The following BRINP3 variants were observed in gnomAD, a reference collection of about 807,000 sequenced individuals.
BRINP3 encodes BMP/retinoic acid-inducible neural-specific protein 3.
A neutral mutation model predicts 71.0 loss-of-function variants in BRINP3; 19 were observed. The observed-to-expected ratio is 0.27, with a 90% CI of 0.19 to 0.39. BRINP3 has a LOEUF of 0.39. Ranked by LOEUF, BRINP3 falls within the 10% of genes least tolerant of loss-of-function variation. BRINP3 has a pLI of 1.00. For synonymous variants in BRINP3, 380 were observed against 337.7 expected (o/e 1.13, Z -1.37); for missense variants, 959 against 940.8 (o/e 1.02, Z -0.25).
chr1:190,386,727 C>G (rs1256134339), intron 2 of BRINP3, among the ~76,000 whole-genome samples: 1 of 151,862 alleles, frequency 6.6e-6, no homozygotes, highest in Non-Finnish European at 1.5e-5. Context: ...TAAGCTTGCA[C>G]TTACTCTTCT....
intron 1 of BRINP3, among the ~76,000 whole-genome samples, chr1:190,461,232 T>A (rs937318031): frequency 7.2e-5 from 11 of 152,188 alleles, no homozygotes; most frequent in Non-Finnish European, 5.9e-5. Context: ...AAACACCAAC[T>A]TTGTTTTTCA....
chr1:190,165,080 T>G lies in BRINP3; in HGVS notation c.962-4190A>C, dbSNP rs148632360. Among the ~76,000 whole-genome samples, 48 of 152,060 alleles carry G rather than the reference T, an allele frequency of 3.2e-4. 1 individual carries two copies. The Middle Eastern group carries it at 0.01, about 33-fold the overall frequency. On this transcript the variant is annotated intron_variant, in intron 6 of 7. Transcript: ENST00000367462. The stretch of plus-strand genomic sequence containing the variant: ...TTCAGTACAATGATAGAAAAATACA[T>G]AATATCTAACGAAATACATAAAGGA...
intron 6 of BRINP3, among the ~76,000 whole-genome samples, chr1:190,173,228 C>T (rs926779181): frequency 2.0e-5 from 3 of 152,136 alleles, no homozygotes; most frequent in Non-Finnish European, 4.4e-5. Flanking sequence ...AGCAATGGAT[C>T]CAGATATAAA....
At chr1:190,367,137 A>G (rs1304727791) in intron 2 of BRINP3, among the ~76,000 whole-genome samples, 2 of 152,172 alleles carry the variant, frequency 1.3e-5, no homozygotes, top group African/African-American at 4.8e-5. Context: ...TTGCCCTGGC[A>G]GAGGTTCTCC....
chr1:190,310,764 C>A lies in BRINP3; in HGVS notation c.237-29014G>T, dbSNP rs147495997. Among the ~76,000 whole-genome samples, 659 of 151,756 alleles carry A rather than the reference C, an allele frequency of 4.3e-3. 5 individuals carry two copies. The highest frequency in any genetic ancestry group is 0.015 in the African/African-American group (614 of 41,476). ...AATACCTAAGCCTCCACCTTTTCTCCAAGGCTTTTAATTGCTCATCTTTCA... is the reference window on the plus strand; with the variant it reads ...AATACCTAAGCCTCCACCTTTTCTCAAAGGCTTTTAATTGCTCATCTTTCA... On this transcript the variant is annotated intron_variant, in intron 2 of 7. Transcript: ENST00000367462.
chr1:190,423,236 A>G (rs1429930096), intron 2 of BRINP3, among the ~76,000 whole-genome samples: 1 of 151,766 alleles, frequency 6.6e-6, no homozygotes, highest in East Asian at 1.9e-4. Context: ...TATGACTCCT[A>G]CATTCTTCTA....
At chr1:190,365,782 G>A (rs867193843) in intron 2 of BRINP3, among the ~76,000 whole-genome samples, 172 of 133,242 alleles carry the variant, frequency 1.3e-3, no homozygotes, top group Non-Finnish European at 2.1e-3. Flanking sequence ...TAAATGCTGC[G>A]AAGAGTACAA....
At chr1:190,396,150 G>GATT (rs1284675447) in intron 2 of BRINP3, among the ~76,000 whole-genome samples, 2 of 151,776 alleles carry the variant, frequency 1.3e-5, no homozygotes, top group African/African-American at 4.8e-5. Flanking sequence ...AAACCCAGGA[G>GATT]ATAATAAAGT....
At chr1:190,194,786 T>A (rs1004585967) in intron 6 of BRINP3, among the ~76,000 whole-genome samples, 1 of 152,016 alleles carries the variant, frequency 6.6e-6, no homozygotes, top group South Asian at 2.1e-4. Context: ...GCAGCTTCAG[T>A]ATGGATTTTT....
chr1:190,360,025 A>T (rs950149819), intron 2 of BRINP3, among the ~76,000 whole-genome samples: 1 of 152,166 alleles, frequency 6.6e-6, no homozygotes, highest in African/African-American at 2.4e-5. Flanking sequence ...TCAGGCTATA[A>T]AGGATTAAAT....
chr1:190,167,797 A>G (rs1312977917), intron 6 of BRINP3, among the ~76,000 whole-genome samples: 1 of 152,188 alleles, frequency 6.6e-6, no homozygotes, highest in African/African-American at 2.4e-5. Flanking sequence ...TATGCCCATT[A>G]TGCCCCAGGG....
chr1:190,342,882 T>C (rs1667759071), intron 2 of BRINP3: 1 of 151,862 alleles, frequency 6.6e-6, no homozygotes, highest in Admixed American at 6.6e-5. Flanking sequence ...TATTTAGCTG[T>C]GGCCTAGAAT....
intron 1 of BRINP3, among the ~76,000 whole-genome samples, chr1:190,472,812 TACACACACAC>T (rs67049979): frequency 6.8e-6 from 1 of 147,486 alleles, no homozygotes; most frequent in Non-Finnish European, 1.5e-5. Flanking sequence ...TGGTAGAAAT[TACACACACAC>T]ACACACACAC....
At chr1:190,313,513 C>A (rs142521972) in intron 2 of BRINP3, among the ~76,000 whole-genome samples, 1 of 152,104 alleles carries the variant, frequency 6.6e-6, no homozygotes, top group African/African-American at 2.4e-5. Context: ...CAAAATTCTG[C>A]AACCTATGTG....
intron 1 of BRINP3, among the ~76,000 whole-genome samples, chr1:190,470,843 G>A (rs1318272730): frequency 6.6e-6 from 1 of 150,986 alleles, no homozygotes; most frequent in Admixed American, 6.6e-5. Context: ...CAATTTTTGG[G>A]AAAAGATATT....
At chr1:190,225,965 A>T (rs1657330888) in intron 6 of BRINP3, 117 bp downstream of exon 6, 1 of 707,012 alleles carries the variant, frequency 1.4e-6, no homozygotes, top group East Asian at 2.8e-5. Flanking sequence ...ATTTGAAAGA[A>T]TAAAAAAATG....
chr1:190,342,460 T>C (rs1667727213), intron 2 of BRINP3: 1 of 151,628 alleles, frequency 6.6e-6, no homozygotes, highest in South Asian at 2.1e-4. Context: ...TACTGGTGTT[T>C]AACCTGGAGT....
chr1:190,471,723 A>T (rs1169441140), intron 1 of BRINP3, among the ~76,000 whole-genome samples: 12 of 151,474 alleles, frequency 7.9e-5, no homozygotes, highest in Non-Finnish European at 1.5e-5. Context: ...AGTAGAGATC[A>T]TCAGGTTGAC....
At chr1:190,124,502 A>G (rs1422570622) in intron 7 of BRINP3, among the ~76,000 whole-genome samples, 1 of 152,142 alleles carries the variant, frequency 6.6e-6, no homozygotes, top group Non-Finnish European at 1.5e-5. Context: ...AGAGTCCAGC[A>G]CAATGTACAA....
Sources: allele counts gnomAD v4.1 joint callset (sites outside exome capture counted in the v4.1 genomes callset), GRCh38; gene constraint gnomAD v4.1.1; transcripts MANE v1.5; gene names NCBI Gene and HGNC (gene_info 2026-07-23, HGNC 2026-07-21).